The following TOGARAM2 variants were observed in gnomAD, a reference collection of about 807,000 sequenced individuals.
TOGARAM2 encodes TOG array regulator of axonemal microtubules protein 2.
Under a neutral mutation model 93.3 loss-of-function variants are expected in TOGARAM2, and 85 were observed. That is an observed-to-expected ratio of 0.91 (90% CI 0.76 to 1.09). The LOEUF is 1.09. Among genes scored for constraint, TOGARAM2 ranks in the 50% least tolerant of loss-of-function variants. The pLI, the probability that TOGARAM2 is intolerant of heterozygous loss-of-function variation, is 0.00. For missense variants in TOGARAM2, 1,277 were observed against 1,334.5 expected, an observed-to-expected ratio of 0.96 and a Z score of 0.67; for synonymous variants, 593 against 552.8, an observed-to-expected ratio of 1.07 and a Z score of -1.02.
At chr2:29,042,526 A>G (rs1218910418) in intron 18 of TOGARAM2, among the ~76,000 whole-genome samples, 2 of 152,194 alleles carry the variant, frequency 1.3e-5, no homozygotes, top group Non-Finnish European at 2.9e-5. Context: ...GAGTGGGTGG[A>G]TGAGCAGAAA....
At position 29,023,101 on chromosome 2, in the gene TOGARAM2, G is replaced by C. The variant is rs376885474; in HGVS notation, c.1527G>C (p.Lys509Asn). 1.3e-6 allele frequency: 2 copies of C among 1,596,338 alleles called. No homozygotes were observed. The highest frequency in any genetic ancestry group is 2.7e-5 in the African/African-American group (2 of 74,780). ...TGCTTCTCAGGCAGATGAAGGAGAAGGGTCTGGTGAGCATCCAGCGCTTGG... is the reference window on the plus strand; with the variant it reads ...TGCTTCTCAGGCAGATGAAGGAGAACGGTCTGGTGAGCATCCAGCGCTTGG... ...LNSSDWQMKE[K>N]GLVSIQRLAA... Residue 509 changes from lysine (K) to asparagine (N), a missense_variant, in exon 12 of 20, where the codon AAG becomes AAC. Coordinates refer to ENST00000379558, the MANE Select transcript of TOGARAM2 (RefSeq NM_199280.4).
chr2:29,006,075 G>C (rs1198570019), intron 6 of TOGARAM2, among the ~76,000 whole-genome samples: 2 of 98,114 alleles, frequency 2.0e-5, no homozygotes, highest in Non-Finnish European at 4.6e-5. Context: ...GTATGTGTGA[G>C]AGCACGTGTG....
intron 1 of TOGARAM2, among the ~76,000 whole-genome samples, chr2:28,972,802 G>A (rs1170816532): frequency 6.6e-6 from 1 of 152,174 alleles, no homozygotes; most frequent in African/African-American, 2.4e-5. Context: ...TTCTTGGTAG[G>A]GCTGGGAGCT....
intron 1 of TOGARAM2, among the ~76,000 whole-genome samples, chr2:28,991,370 C>T (rs1303227339): frequency 6.6e-6 from 1 of 152,056 alleles, no homozygotes; most frequent in African/African-American, 2.4e-5. Flanking sequence ...GCCTCTCTTC[C>T]GAGAGTGTGT....
intron 1 of TOGARAM2, among the ~76,000 whole-genome samples, chr2:28,967,055 G>A (rs1017384245): frequency 2.0e-5 from 3 of 152,322 alleles, no homozygotes; most frequent in East Asian, 1.9e-4. Flanking sequence ...AAAGGAAAGC[G>A]GCAGCTTTTA....
At chr2:29,004,774 G>A (rs531043309) in intron 6 of TOGARAM2, among the ~76,000 whole-genome samples, 24 of 151,854 alleles carry the variant, frequency 1.6e-4, no homozygotes, top group African/African-American at 5.8e-4. Context: ...GTGTGCATGA[G>A]TGCAAGAGTA....
chr2:28,972,717 C>T (rs748296111), intron 1 of TOGARAM2, among the ~76,000 whole-genome samples: 32 of 152,130 alleles, frequency 2.1e-4, no homozygotes, highest in Non-Finnish European at 4.0e-4. Context: ...TGGAATAGAA[C>T]GTAGGCTCCA....
At chr2:29,017,721 T>G in intron 9 of TOGARAM2, 71 bp from the exon 10 acceptor site, 1 of 1,434,484 alleles carries the variant, frequency 7.0e-7, no homozygotes, top group East Asian at 2.6e-5. Context: ...ATGGGTCCAT[T>G]TTCAAAGGAG....
intron 5 of TOGARAM2, among the ~76,000 whole-genome samples, 184 bp downstream of exon 5, chr2:29,002,931 C>T (rs1029495072): frequency 2.6e-5 from 4 of 152,180 alleles, no homozygotes; most frequent in Admixed American, 2.6e-4. Context: ...TTCACCACCT[C>T]CCCCAGCATC....
intron 14 of TOGARAM2, among the ~76,000 whole-genome samples, chr2:29,030,689 C>T (rs1157448518): frequency 6.6e-6 from 1 of 152,182 alleles, no homozygotes; most frequent in Non-Finnish European, 1.5e-5. Context: ...CCTCTGTGAC[C>T]ATTCTGCCCC....
chr2:28,993,840 T>C (rs1444014891), intron 1 of TOGARAM2, among the ~76,000 whole-genome samples: 1 of 152,232 alleles, frequency 6.6e-6, no homozygotes, highest in Admixed American at 6.5e-5. Context: ...TCTCAGTTCC[T>C]GAGTTGGGAT....
At chr2:29,033,442 C>A in intron 15 of TOGARAM2, 27 bp from the exon 16 acceptor site, 1 of 1,597,314 alleles carries the variant, frequency 6.3e-7, no homozygotes, top group Non-Finnish European at 8.5e-7. Flanking sequence ...CTCCTTTTGG[C>A]TCATGCTCTG....
chr2:29,035,887 G>C (rs530461746), intron 17 of TOGARAM2, among the ~76,000 whole-genome samples: 1 of 152,302 alleles, frequency 6.6e-6, no homozygotes, highest in South Asian at 2.1e-4. Context: ...TTTACAGTGA[G>C]GAGGGTAGGA....
chr2:28,964,331 T>C (rs1028319336), intron 1 of TOGARAM2, among the ~76,000 whole-genome samples: 4 of 152,216 alleles, frequency 2.6e-5, no homozygotes, highest in African/African-American at 9.7e-5. Context: ...CTTGTTCTAA[T>C]GTCTACTTTG....
At chr2:29,005,373 T>G (rs539604032) in intron 6 of TOGARAM2, among the ~76,000 whole-genome samples, 1 of 58,720 alleles carries the variant, frequency 1.7e-5, no homozygotes, top group African/African-American at 4.1e-5. Context: ...TGTGAGAACG[T>G]GCATGTATGT....
intron 3 of TOGARAM2, among the ~76,000 whole-genome samples, chr2:28,998,606 G>A (rs1673116707): frequency 6.6e-6 from 1 of 152,218 alleles, no homozygotes; most frequent in Non-Finnish European, 1.5e-5. Flanking sequence ...GGTCTCTGGA[G>A]GGGCTGGGTT....
Position 28,999,336 on chromosome 2 carries a change from T to C in TOGARAM2, c.295T>C (p.Leu99=). 6.2e-7 allele frequency: 1 copy of C among 1,613,798 alleles called. No individual in the cohort carries two copies. Among genetic ancestry groups the C allele is most frequent in the Non-Finnish European group, 8.5e-7 (1 of 1,179,820 alleles). ...GHPRNLRALS[L]GDQPLVLLPS... The stretch of plus-strand genomic sequence containing the variant: ...CCCCAGGAACCTCAGGGCCTTGTCT[T>C]TGGGGGACCAGCCCCTGGTGCTCCT... Residue 99 remains leucine, a synonymous_variant, in exon 4 of 20, where the codon TTG becomes CTG. Coordinates refer to ENST00000379558, the MANE Select transcript of TOGARAM2 (RefSeq NM_199280.4).
At position 29,052,005 on chromosome 2, in the gene TOGARAM2, C is replaced by T. The variant is rs566868772; in HGVS notation, c.2972C>T (p.Ser991Phe). Residue 991 changes from serine (S) to phenylalanine (F), a missense_variant, in exon 20 of 20, where the codon TCC (serine) becomes TTC (phenylalanine). By Grantham distance (155) the Ser-to-Phe change is radical (BLOSUM62 -2). Coordinates refer to ENST00000379558, the MANE Select transcript of TOGARAM2 (RefSeq NM_199280.4). The part of the protein sequence containing the change: ...KTLQELLDSE[S>F]LGGSRKATDR... ...CTCCAGGAACTCTTAGACTCAGAGT[C>T]CTTGGGAGGCAGCCGCAAGGCCACT... 8.2e-5 allele frequency: 132 copies of T among 1,613,128 alleles called. 1 individual carries two copies. In the South Asian group the frequency reaches 1.3e-3, roughly 16 times the overall value.
At chr2:28,962,797 C>T (rs1192164340) in intron 1 of TOGARAM2, among the ~76,000 whole-genome samples, 2 of 127,760 alleles carry the variant, frequency 1.6e-5, no homozygotes, top group African/African-American at 5.8e-5. Context: ...CTTTTCCTCC[C>T]CTTCCCTCCC....
Sources: gnomAD v4.1 joint callset for allele counts (sites outside exome capture counted in the v4.1 genomes callset) on GRCh38, gnomAD v4.1.1 for gene constraint, MANE v1.5 for transcripts, NCBI Gene and HGNC (gene_info 2026-07-23, HGNC 2026-07-21) for gene names.